Variants in DNAH10 observed in about 807,000 individuals in gnomAD.
DNAH10 encodes the protein axonemal beta dynein heavy chain 10.
Under a neutral mutation model 506.6 loss-of-function variants are expected in DNAH10, and 348 were observed. The ratio of observed to expected loss-of-function variants is 0.69; its 90% CI spans 0.63 to 0.75. The LOEUF (loss-of-function observed/expected upper bound fraction) is 0.75, where lower values mean the gene tolerates loss of function less well. Among genes scored for constraint, DNAH10 ranks in the 30% least tolerant of loss-of-function variants. The pLI, the probability that DNAH10 is intolerant of heterozygous loss-of-function variation, is 0.00. For missense variants in DNAH10, 5,179 were observed against 5,787.1 expected (o/e 0.89, Z 3.41); for synonymous variants, 2,059 against 2,198.6 (o/e 0.94, Z 1.78).
chr12:123,915,517 T>C (rs1016851348), intron 62 of DNAH10, among the ~76,000 whole-genome samples: 40 of 131,896 alleles, frequency 3.0e-4, no homozygotes, highest in African/African-American at 1.6e-3. Context: ...CCATCACCCC[T>C]CCAGTCCTTC....
chr12:123,890,570 G>A (rs35881694), intron 52 of DNAH10, among the ~76,000 whole-genome samples: 27 of 152,098 alleles, frequency 1.8e-4, no homozygotes, highest in Admixed American at 1.3e-4. Flanking sequence ...ACAGGCGTGA[G>A]CCACTGCACC....
Position 123,926,745 on chromosome 12 carries a change from T to C in DNAH10, c.12030T>C (p.Leu4010=), listed in dbSNP as rs376049630. 93 of 1,613,902 alleles carry C rather than the reference T, an allele frequency of 5.8e-5. No individual in the cohort carries two copies. The highest frequency in any genetic ancestry group is 5.5e-5 in the Non-Finnish European group (65 of 1,179,900). Residue 4010 remains leucine (L), a synonymous_variant, in exon 69 of 79, where the codon CTT becomes CTC. Coordinates refer to ENST00000673944, the MANE Select transcript of DNAH10 (RefSeq NM_001372106.1). This position sits in a 1 kb window ranked among gnomAD's most constrained non-coding sequence, Gnocchi z 4.1. ...LSPGSDPATD[L]MKLAERSGFG... ...CTGGCTCCGACCCTGCCACTGATCT[T>C]ATGAAATTAGCAGAGCGAAGTGGTT...
In DNAH10 at chr12:123,762,442, G is replaced by T; in HGVS notation, c.106G>T (p.Gly36Cys). 2 of 1,465,234 alleles carry T rather than the reference G, an allele frequency of 1.4e-6. No homozygotes were observed. Among genetic ancestry groups the T allele is most frequent in the Non-Finnish European group, 9.1e-7 (1 of 1,102,782 alleles). 90.8% of individuals were successfully genotyped at this position (1,465,234 alleles called of 1,614,324 possible). A position where few individuals can be genotyped will look rare whatever the true frequency, so the allele number is the denominator to read the frequency against. The part of the protein sequence containing the change: ...EDLLNRDDGQ[G>C]EDLILHFLNQ... ...CCTGCTCAACCGCGACGACGGCCAGGGCGAGGACCTCATCTTGCACTTCCT... is the reference window on the plus strand; with the variant it reads ...CCTGCTCAACCGCGACGACGGCCAGTGCGAGGACCTCATCTTGCACTTCCT... Residue 36 changes from glycine (G) to cysteine (C), a missense_variant, in exon 1 of 79, where the codon GGC (glycine) becomes TGC (cysteine). This residue lies in a region of DNAH10 where 326 missense variants were observed against 330.8 expected (regional missense o/e 0.99). Transcript: ENST00000673944. The surrounding 1 kb of genome is among the most constrained non-coding windows in gnomAD (Gnocchi z 5.0).
chr12:123,908,522 C>T, intron 57 of DNAH10: 1 of 456,164 alleles, frequency 2.2e-6, no homozygotes, highest in Non-Finnish European at 4.4e-6. Context: ...ACTCCTGTGG[C>T]TTTCACTGAC....
At chr12:123,894,618 T>G in intron 53 of DNAH10, 25 bp from the exon 54 acceptor site, 1 of 1,609,430 alleles carries the variant, frequency 6.2e-7, no homozygotes, top group South Asian at 1.1e-5. Flanking sequence ...TGGGAGCATC[T>G]TTTTAATCTC....
chr12:123,880,919 C>T (rs1835757370), intron 50 of DNAH10, among the ~76,000 whole-genome samples: 1 of 151,034 alleles, frequency 6.6e-6, no homozygotes, highest in African/African-American at 2.4e-5. Context: ...TCTGTCCTTG[C>T]AGTAGTTTGC....
chr12:123,762,590 C>T lies in DNAH10; in HGVS notation c.214+40C>T, dbSNP rs1956866698. 7.2e-6 allele frequency: 11 copies of T among 1,519,580 alleles called. No homozygotes were observed. In the African/African-American group the frequency reaches 8.4e-5, roughly 12 times the overall value. The allele number at this position is 1,519,580 out of a possible 1,614,324, so 94.1% of individuals were successfully genotyped here. On this transcript the variant is annotated intron_variant, in intron 1 of 78. Coordinates refer to ENST00000673944, the MANE Select transcript of DNAH10 (RefSeq NM_001372106.1). The surrounding 1 kb of genome is among the most constrained non-coding windows in gnomAD (Gnocchi z 5.0). ...GCCGCTCCCTTCCCCGGGCTTCCCT[C>T]CTGCCCGTCCCGGCCTCTCCGGCGG...
In DNAH10 at chr12:123,928,053, C is replaced by T. The variant is rs981322639; in HGVS notation, c.12106-334C>T. 2.5e-5 allele frequency: 10 copies of T among 402,452 alleles called. No homozygotes were observed. The highest frequency in any genetic ancestry group is 4.0e-5 in the Non-Finnish European group (9 of 222,916). 24.9% of individuals were successfully genotyped at this position (402,452 alleles called of 1,614,324 possible). ...GTCCCGACTTCCTGGTGGGCTTTAGCTGGTCTCTTGCAGCCCTGCTCAGGA... is the reference window on the plus strand; with the variant it reads ...GTCCCGACTTCCTGGTGGGCTTTAGTTGGTCTCTTGCAGCCCTGCTCAGGA... On this transcript the variant is annotated intron_variant, in intron 69 of 78. Transcript: ENST00000673944. The surrounding 1 kb of genome is among the most constrained non-coding windows in gnomAD (Gnocchi z 4.9).
rs576180753 is a variant in DNAH10 at position 123,862,863 on chromosome 12, C to G, written c.6908+1693C>G. Among the ~76,000 whole-genome samples, 3 of 152,088 alleles carry G rather than the reference C, an allele frequency of 2.0e-5. No individual in the cohort carries two copies. The East Asian group carries it at 5.8e-4, about 29-fold the overall frequency. On this transcript the variant is annotated intron_variant, in intron 39 of 78. Coordinates refer to ENST00000673944, the MANE Select transcript of DNAH10 (RefSeq NM_001372106.1). ...GGTGCTTATTCTTAGGAAATACTTG[C>G]TTAAGTATTTAGGGGAAGGGGGCAT...
Position 123,781,172 on chromosome 12 carries a change from A to G in DNAH10, c.714A>G (p.Glu238=), listed in dbSNP as rs373979430. The G allele has an allele frequency of 2.5e-6, 4 of 1,614,154 alleles. No individual in the cohort carries two copies. Among genetic ancestry groups the G allele is most frequent in the Non-Finnish European group, 2.5e-6 (3 of 1,180,024 alleles). Residue 238 remains glutamate, a synonymous_variant, in exon 6 of 79, where the codon GAA becomes GAG. Coordinates refer to ENST00000673944, the MANE Select transcript of DNAH10 (RefSeq NM_001372106.1). ...SGEVSNSSEH[E]SDLPPMPGEA... ...AAGTCTCTAATTCCTCTGAGCATGA[A>G]TCAGACCTGCCGCCCATGCCTGGGG...
chr12:123,775,135 C>T (rs535574025), intron 5 of DNAH10, among the ~76,000 whole-genome samples: 5 of 152,240 alleles, frequency 3.3e-5, no homozygotes, highest in African/African-American at 4.8e-5. Context: ...TATTGTTTTT[C>T]GAGACAGGGT....
chr12:123,797,031 C>T lies in DNAH10; in HGVS notation c.2163+199C>T, dbSNP rs561210077. On this transcript the variant is annotated intron_variant, in intron 13 of 78. Transcript: ENST00000673944. Reference sequence around the variant, plus strand: ...GACTACAGGCATGTGCCACCACGTCCGGCTAATTTTTTTGTATTTTTAGTA... The same window carrying T: ...GACTACAGGCATGTGCCACCACGTCTGGCTAATTTTTTTGTATTTTTAGTA... Among the ~76,000 whole-genome samples, 347 of 152,156 alleles carry T rather than the reference C, an allele frequency of 2.3e-3. 1 individual carries two copies. Among genetic ancestry groups the T allele is most frequent in the African/African-American group, 8.0e-3 (331 of 41,520 alleles).
intron 38 of DNAH10, 131 bp from the exon 39 acceptor site, chr12:123,860,881 G>T (rs894958262): frequency 1.5e-5 from 17 of 1,153,352 alleles, no homozygotes; most frequent in Non-Finnish European, 2.1e-5. Context: ...GCCCAGTGAA[G>T]AGTTTGCATG....
chr12:123,898,831 C>G lies in DNAH10; in HGVS notation c.9640+17C>G. The G allele has an allele frequency of 6.3e-7, 1 of 1,586,456 alleles. No homozygotes were observed. The highest frequency in any genetic ancestry group is 8.6e-7 in the Non-Finnish European group (1 of 1,165,438). Reference sequence around the variant, plus strand: ...CCGCTGTAGGTGAGTGAGGGCGGGGCCAGGGCAGCCCATCCCCAACACCCA... The same window carrying G: ...CCGCTGTAGGTGAGTGAGGGCGGGGGCAGGGCAGCCCATCCCCAACACCCA... On this transcript the variant is annotated intron_variant, in intron 56 of 78. Transcript: ENST00000673944.
intron 21 of DNAH10, among the ~76,000 whole-genome samples, chr12:123,816,359 G>C (rs1959143451): frequency 1.3e-5 from 2 of 152,170 alleles, no homozygotes; most frequent in Admixed American, 6.5e-5. Context: ...AGGGGCTGGA[G>C]ATTGGAGATC....
chr12:123,778,745 A>AT (rs935710499), intron 5 of DNAH10, among the ~76,000 whole-genome samples: 2 of 152,088 alleles, frequency 1.3e-5, no homozygotes, highest in African/African-American at 2.4e-5. Context: ...AGTTAAAAAC[A>AT]TTTTTTTAAG....
intron 41 of DNAH10, among the ~76,000 whole-genome samples, chr12:123,866,541 G>A (rs1400483267): frequency 6.6e-6 from 1 of 152,032 alleles, no homozygotes; most frequent in Non-Finnish European, 1.5e-5. Context: ...CCGACACACC[G>A]ACACACTTAT....
chr12:123,875,480 G>A lies in DNAH10; in HGVS notation c.8188G>A (p.Gly2730Ser), dbSNP rs761814457. Residue 2730 changes from glycine to serine, a missense_variant, in exon 47 of 79, where the codon GGC becomes AGC. Gly to Ser is a moderately conservative substitution (Grantham distance 56). Around this residue, in one of 3 missense-constraint regions of DNAH10, gnomAD observed 4,844 missense variants for 5,430.5 expected, o/e 0.89. Coordinates refer to ENST00000673944, the MANE Select transcript of DNAH10 (RefSeq NM_001372106.1). ...LHLIYSSILK[G>S]HTSTFHESIV... Reference sequence around the variant, plus strand: ...TTTAATTTATTCCTCCATCCTGAAAGGCCACACCTCGGTAACTTGATTTTA... The same window carrying A: ...TTTAATTTATTCCTCCATCCTGAAAAGCCACACCTCGGTAACTTGATTTTA... The A allele has an allele frequency of 6.2e-7, 1 of 1,613,712 alleles. No individual in the cohort carries two copies. Among genetic ancestry groups the A allele is most frequent in the Non-Finnish European group, 8.5e-7 (1 of 1,179,656 alleles).
intron 40 of DNAH10, 135 bp from the exon 41 acceptor site, chr12:123,865,816 C>A: frequency 1.2e-6 from 1 of 816,928 alleles, no homozygotes; most frequent in Non-Finnish European, 1.7e-6. Context: ...TTAAAAAGCT[C>A]ATGGAAGCTG....
Sources: gnomAD v4.1 joint callset for allele counts (sites outside exome capture counted in the v4.1 genomes callset) on GRCh38, gnomAD v4.1.1 for gene constraint, gnomAD v4.1.1 regional missense constraint, Gnocchi (gnomAD v3.1) non-coding constraint, MANE v1.5 for transcripts, NCBI Gene and HGNC (gene_info 2026-07-23, HGNC 2026-07-21) for gene names.